Variants in HNRNPH1 observed in about 807,000 individuals in gnomAD.
HNRNPH1 encodes the protein heterogeneous nuclear ribonucleoprotein H.
In HNRNPH1, 4 loss-of-function variants were observed where a neutral mutation model predicts 58.6. The ratio of observed to expected loss-of-function variants is 0.07; its 90% CI spans 0.03 to 0.16. The LOEUF is 0.16. Among genes scored for constraint, HNRNPH1 ranks in the 10% least tolerant of loss-of-function variants. The pLI is 1.00. For synonymous variants in HNRNPH1, 192 were observed against 189.2 expected (o/e 1.01, Z -0.12); for missense variants, 271 against 564.2 (o/e 0.48, Z 5.26).
At chr5:179,623,456 G>A (rs1773773170) in exon 1 of HNRNPH1, 1 of 207,260 alleles carries the variant, frequency 4.8e-6, no homozygotes, top group Non-Finnish European at 1.0e-5. Flanking sequence ...TAGAGTCGGC[G>A]CGGCCTGCAG....
chr5:179,626,208 A>G (rs1270640340), upstream of HNRNPH1, among the ~76,000 whole-genome samples: 4 of 151,832 alleles, frequency 2.6e-5, no homozygotes, highest in African/African-American at 9.7e-5. Flanking sequence ...GGTTCAAGCA[A>G]TTCTCATGCC....
upstream of HNRNPH1, among the ~76,000 whole-genome samples, chr5:179,628,071 C>T (rs77094070): frequency 7.1e-3 from 1,081 of 152,226 alleles, 20 homozygotes; most frequent in African/African-American, 0.023. Context: ...GATCCATCCA[C>T]CTTAGCCTCC....
At chr5:179,618,169 T>G in exon 5 of HNRNPH1, 1 of 1,613,968 alleles carries the variant, frequency 6.2e-7, no homozygotes, top group Non-Finnish European at 8.5e-7. Context: ...CCACGCCTCA[T>G]CCTCTCAAAG....
chr5:179,620,624 G>C (rs965717662), intron 3 of HNRNPH1: 1 of 360,548 alleles, frequency 2.8e-6, no homozygotes, highest in African/African-American at 2.0e-5. Context: ...TGTGAGGAAA[G>C]TAGTTAAGCT....
intron 3 of HNRNPH1, chr5:179,619,647 G>A (rs1343628420): frequency 6.7e-6 from 2 of 299,276 alleles, no homozygotes; most frequent in Admixed American, 1.0e-4. Flanking sequence ...CTGAACACAG[G>A]ATGCATTAAG....
exon 7 of HNRNPH1, chr5:179,617,864 T>C: frequency 6.2e-7 from 1 of 1,613,528 alleles, no homozygotes; most frequent in Non-Finnish European, 8.5e-7. Context: ...TGTCCTGTTG[T>C]GCTCTGGAAA....
At chr5:179,626,994 G>A (rs1469163946), upstream of HNRNPH1, among the ~76,000 whole-genome samples, 1 of 151,922 alleles carries the variant, frequency 6.6e-6, no homozygotes, top group African/African-American at 2.4e-5. Flanking sequence ...TGTTAGCCAG[G>A]ATGGTCTCGA....
intron 3 of HNRNPH1, among the ~76,000 whole-genome samples, chr5:179,620,415 G>A (rs1283202029): frequency 1.3e-5 from 2 of 152,150 alleles, no homozygotes; most frequent in South Asian, 4.1e-4. Context: ...ATACCACACA[G>A]GTTAAACCAA....
At chr5:179,628,479 G>C (rs1774559927), upstream of HNRNPH1, among the ~76,000 whole-genome samples, 1 of 152,052 alleles carries the variant, frequency 6.6e-6, no homozygotes, top group Non-Finnish European at 1.5e-5. Context: ...TCAGCCTCCA[G>C]AGTAGCTGGG....
chr5:179,621,709 C>G, intron 1 of HNRNPH1: 1 of 415,958 alleles, frequency 2.4e-6, no homozygotes, highest in South Asian at 2.1e-5. Context: ...GATTATCAAG[C>G]CTGGACTGTG....
At chr5:179,623,221 G>A in exon 1 of HNRNPH1, 5 of 952,298 alleles carry the variant, frequency 5.3e-6, no homozygotes, top group Admixed American at 4.2e-5. Context: ...CTTCGCCTCC[G>A]AGGCGCGCCC....
intron 2 of HNRNPH1, among the ~76,000 whole-genome samples, chr5:179,631,608 G>T (rs530005151): frequency 6.6e-6 from 1 of 152,294 alleles, no homozygotes; most frequent in South Asian, 2.1e-4. Flanking sequence ...TTAGCCAGGT[G>T]CAGTGGCGTA....
exon 13 of HNRNPH1, chr5:179,614,784 GAAAAAAAAAAA>G (rs35827689): frequency 3.1e-5 from 14 of 446,186 alleles, no homozygotes; most frequent in South Asian, 2.3e-4. Flanking sequence ...TTTTCTTAAA[GAAAAAAAAAAA>G]AAAAAAAAAA....
At chr5:179,626,575 G>A (rs897532552), upstream of HNRNPH1, among the ~76,000 whole-genome samples, 1 of 151,146 alleles carries the variant, frequency 6.6e-6, no homozygotes, top group Non-Finnish European at 1.5e-5. Flanking sequence ...AAGTAGCCGG[G>A]CATGGTGTCG....
In HNRNPH1 at chr5:179,616,855, C is replaced by G. The variant is rs1369165497; in HGVS notation, c.1207+14G>C. ...ATAAACGTTTTGGTTTTTAAAAAAA[C>G]TAACGATATTTACACAAGCCCATGC... On this transcript the variant is annotated intron_variant, in intron 10 of 12. Coordinates refer to ENST00000356731, the Ensembl canonical transcript of HNRNPH1. 3 of 1,608,570 alleles carry G rather than the reference C, an allele frequency of 1.9e-6. No homozygotes were observed. The East Asian group carries it at 6.7e-5, about 36-fold the overall frequency.
At chr5:179,630,663 G>A (rs752762608) in intron 2 of HNRNPH1, among the ~76,000 whole-genome samples, 4 of 152,110 alleles carry the variant, frequency 2.6e-5, no homozygotes, top group Non-Finnish European at 4.4e-5. Context: ...TGTAATCCCA[G>A]CACTTTGGAG....
chr5:179,620,686 T>C (rs575969318), intron 3 of HNRNPH1: 13 of 560,800 alleles, frequency 2.3e-5, no homozygotes, highest in African/African-American at 3.7e-5. Context: ...ATACTAAATA[T>C]AGGCAAAGTT....
intron 2 of HNRNPH1, among the ~76,000 whole-genome samples, chr5:179,633,078 C>T (rs1388193485): frequency 3.3e-5 from 5 of 151,866 alleles, no homozygotes; most frequent in Non-Finnish European, 7.4e-5. Context: ...AAGATGATCT[C>T]AATCTCTTGA....
chr5:179,623,654 C>G (rs1181686140), exon 1 of HNRNPH1: 1 of 153,272 alleles, frequency 6.5e-6, no homozygotes, highest in Non-Finnish European at 1.5e-5. Flanking sequence ...GCGACTTCTG[C>G]GTGGCTAAGA....
Sources: allele counts gnomAD v4.1 joint callset (sites outside exome capture counted in the v4.1 genomes callset), GRCh38; gene constraint gnomAD v4.1.1; transcripts MANE v1.5; gene names NCBI Gene and HGNC (gene_info 2026-07-23, HGNC 2026-07-21).